ANO5: variants seen among roughly 807,000 people sequenced by gnomAD.
The protein encoded by ANO5 is anoctamin-5.
Under a neutral mutation model 121.0 loss-of-function variants are expected in ANO5, and 109 were observed. The ratio of observed to expected loss-of-function variants is 0.90; its 90% CI spans 0.77 to 1.06. The LOEUF (loss-of-function observed/expected upper bound fraction) is 1.06. Among genes scored for constraint, ANO5 ranks in the 50% least tolerant of loss-of-function variants. The probability of loss-of-function intolerance (pLI) is 0.00; values close to 1 mark genes in which losing one functional copy is unlikely to be tolerated. For synonymous variants in ANO5, 406 were observed against 359.9 expected (o/e 1.13, Z -1.45); for missense variants, 1,064 against 1,078.5 (o/e 0.99, Z 0.19).
At chr11:22,266,561 T>C (rs1854373017) in intron 17 of ANO5, among the ~76,000 whole-genome samples, 1 of 152,224 alleles carries the variant, frequency 6.6e-6, no homozygotes, top group Admixed American at 6.5e-5. Flanking sequence ...TGTTTCCTTT[T>C]CAATTAAATG....
At chr11:22,193,593 C>T (rs887925768) in intron 1 of ANO5, 61 bp downstream of exon 1, 8 of 1,578,816 alleles carry the variant, frequency 5.1e-6, no homozygotes, top group African/African-American at 2.7e-5. Flanking sequence ...CCCCTCCACC[C>T]GCGGCGCAGA....
intron 9 of ANO5, among the ~76,000 whole-genome samples, chr11:22,240,609 T>G (rs1853397425): frequency 6.6e-6 from 1 of 152,110 alleles, no homozygotes; most frequent in African/African-American, 2.4e-5. Flanking sequence ...ATGGCTATTT[T>G]AACTGTTTTG....
intron 13 of ANO5, among the ~76,000 whole-genome samples, chr11:22,256,604 A>T (rs1854006519): frequency 6.6e-6 from 1 of 152,234 alleles, no homozygotes; most frequent in Non-Finnish European, 1.5e-5. Context: ...TTTGCCAAAA[A>T]TTAACAGAAA....
chr11:22,279,300 T>C (rs1453220143), intron 21 of ANO5, among the ~76,000 whole-genome samples: 1 of 151,916 alleles, frequency 6.6e-6, no homozygotes, highest in Non-Finnish European at 1.5e-5. Flanking sequence ...GGAGCAGTGA[T>C]AAAGAGTATA....
intron 8 of ANO5, among the ~76,000 whole-genome samples, chr11:22,237,994 T>G (rs573727685): frequency 4.6e-5 from 7 of 152,224 alleles, no homozygotes; most frequent in Admixed American, 1.3e-4. Flanking sequence ...ACAATATAAA[T>G]GTAAATCGTT....
chr11:22,279,885 T>TC lies in ANO5; in HGVS notation c.*120_*121insC. 1 of 901,492 alleles carries TC rather than the reference T, an allele frequency of 1.1e-6. No homozygotes were observed. Among genetic ancestry groups the TC allele is most frequent in the Non-Finnish European group, 1.7e-6 (1 of 598,692 alleles). 55.8% of individuals were successfully genotyped at this position (901,492 alleles called of 1,614,324 possible). ...CTTTCTTTTTTTTTTTTTTCTTTTTTTTTTTAAACTCAAAGTTTTTATACA... is the reference window on the plus strand; with the variant it reads ...CTTTCTTTTTTTTTTTTTTCTTTTTTCTTTTTAAACTCAAAGTTTTTATACA... On this transcript the variant is annotated 3_prime_UTR_variant, in exon 22 of 22. Coordinates refer to ENST00000324559, the MANE Select transcript of ANO5 (RefSeq NM_213599.3).
intron 15 of ANO5, among the ~76,000 whole-genome samples, chr11:22,260,215 T>C (rs1854148316): frequency 6.6e-6 from 1 of 152,182 alleles, no homozygotes; most frequent in Admixed American, 6.5e-5. Flanking sequence ...AATATTTTCT[T>C]GTTAAAATAT....
chr11:22,255,610 CT>C, intron 13 of ANO5, 88 bp downstream of exon 13: 1 of 1,500,098 alleles, frequency 6.7e-7, no homozygotes, highest in South Asian at 1.1e-5. Context: ...TTTATTTTGC[CT>C]TTAAAATATT....
intron 5 of ANO5, among the ~76,000 whole-genome samples, chr11:22,225,294 G>GA (rs1033419827): frequency 1.3e-5 from 2 of 151,818 alleles, no homozygotes; most frequent in African/African-American, 4.8e-5. Flanking sequence ...CAGTCTCTAT[G>GA]AAAAAATTTT....
intron 3 of ANO5, among the ~76,000 whole-genome samples, chr11:22,213,569 T>C (rs1852349597): frequency 6.6e-6 from 1 of 151,974 alleles, no homozygotes; most frequent in African/African-American, 2.4e-5. Context: ...TGTTTTAACC[T>C]TGATTACCTG....
chr11:22,230,828 C>T (rs1308849451), intron 7 of ANO5, among the ~76,000 whole-genome samples: 1 of 151,982 alleles, frequency 6.6e-6, no homozygotes, highest in Non-Finnish European at 1.5e-5. Context: ...CATGTTCAAC[C>T]CATCACTAGG....
At chr11:22,274,780 T>C in intron 20 of ANO5, 33 bp downstream of exon 20, 1 of 1,607,288 alleles carries the variant, frequency 6.2e-7, no homozygotes, top group Non-Finnish European at 8.5e-7. Context: ...TAGGTTTTAG[T>C]TTTATCCCTT....
chr11:22,208,878 A>C (rs1852197994), intron 2 of ANO5, among the ~76,000 whole-genome samples: 1 of 151,734 alleles, frequency 6.6e-6, no homozygotes, highest in South Asian at 2.1e-4. Context: ...TTTTTCTGAC[A>C]CTCAAATGCA....
intron 17 of ANO5, among the ~76,000 whole-genome samples, chr11:22,266,234 G>A (rs1158066253): frequency 3.9e-5 from 6 of 152,244 alleles, no homozygotes; most frequent in East Asian, 1.9e-4. Context: ...AAGAGCTTCC[G>A]AAATTTCTAG....
At chr11:22,267,757 T>A (rs911454108) in intron 17 of ANO5, among the ~76,000 whole-genome samples, 2 of 152,126 alleles carry the variant, frequency 1.3e-5, no homozygotes, top group Non-Finnish European at 2.9e-5. Context: ...CCTGATCCTC[T>A]CCCTCTTCTG....
At chr11:22,201,745 C>T (rs1851971033) in intron 1 of ANO5, among the ~76,000 whole-genome samples, 1 of 152,128 alleles carries the variant, frequency 6.6e-6, no homozygotes, top group South Asian at 2.1e-4. Flanking sequence ...ATAACAAATC[C>T]ATTCTTGCTA....
chr11:22,236,170 A>G lies in ANO5; in HGVS notation c.656A>G (p.Tyr219Cys), dbSNP rs753667370. 25 of 1,607,924 alleles carry G rather than the reference A, an allele frequency of 1.6e-5. No individual in the cohort carries two copies. The highest frequency in any genetic ancestry group is 2.1e-5 in the Non-Finnish European group (25 of 1,174,810). ...TTTGCACTTACCTTGTAGGTGTACT[A>G]TATTCTCTCAAGATGTCCTTTTGGC... ...PSSSRNRIVY[Y>C]ILSRCPFGIE... The change falls in exon 8 of 22, where the codon TAT becomes TGT. Residue 219 changes from tyrosine (Y) to cysteine (C), a missense_variant. Physicochemically the swap from Tyr to Cys is radical, Grantham distance 194. Coordinates refer to ENST00000324559, the MANE Select transcript of ANO5 (RefSeq NM_213599.3).
intron 17 of ANO5, among the ~76,000 whole-genome samples, chr11:22,269,200 G>A (rs894908362): frequency 7.3e-6 from 1 of 137,830 alleles, no homozygotes. Flanking sequence ...GAAGGGAAGG[G>A]AAGAGAAGGG....
At chr11:22,192,931 G>A (rs1851691450), upstream of ANO5, 10 of 965,134 alleles carry the variant, frequency 1.0e-5, no homozygotes, top group Non-Finnish European at 1.2e-5. Context: ...GCGGAGAGGA[G>A]GGGGCCAGCG....
Sources: gnomAD v4.1 joint callset for allele counts (sites outside exome capture counted in the v4.1 genomes callset) on GRCh38, gnomAD v4.1.1 for gene constraint, MANE v1.5 for transcripts, NCBI Gene and HGNC (gene_info 2026-07-23, HGNC 2026-07-21) for gene names.